The following VWA3B variants were observed in gnomAD, a reference collection of about 807,000 sequenced individuals.
VWA3B encodes von Willebrand factor A domain containing 3B, also known as von Willebrand factor A domain-containing protein 3B.
VWA3B carries 138 observed loss-of-function variants against 158.3 expected under a neutral mutation model. The observed-to-expected ratio is 0.87, with a 90% confidence interval of 0.76 to 1.00. The LOEUF (loss-of-function observed/expected upper bound fraction) is 1.00, where lower values mean the gene tolerates loss of function less well. VWA3B is among the 50% of genes least tolerant of loss of function. The probability of loss-of-function intolerance (pLI) is 0.00; values close to 1 mark genes in which losing one functional copy is unlikely to be tolerated. For missense variants in VWA3B, 1,555 were observed against 1,565.1 expected (o/e 0.99, Z 0.11); for synonymous variants, 596 against 587.3 (o/e 1.01, Z -0.21).
chr2:98,194,126 T>C (rs942740579), intron 11 of VWA3B, among the ~76,000 whole-genome samples: 8 of 152,204 alleles, frequency 5.3e-5, no homozygotes, highest in African/African-American at 1.9e-4. Context: ...GTGACATATA[T>C]AATGTATATT....
At chr2:98,091,761 A>G (rs1016721769) in intron 1 of VWA3B, among the ~76,000 whole-genome samples, 2 of 152,254 alleles carry the variant, frequency 1.3e-5, no homozygotes, top group Non-Finnish European at 2.9e-5. Context: ...AAATACAGTT[A>G]AAGTTTTAGA....
In VWA3B at chr2:98,118,273, G is replaced by A. The variant is rs933597510; in HGVS notation, c.292-1240G>A. ...TGCTGGTGAAGGAGCTGGTAATTCT[G>A]TCTTAAGGGGCCATGAGAAGCCTCC... On this transcript the variant is annotated intron_variant, in intron 3 of 27. Transcript: ENST00000477737. 6.6e-5 allele frequency among the ~76,000 whole-genome samples: 10 copies of A among 152,216 alleles called. 1 individual carries two copies. The highest frequency in any genetic ancestry group is 2.0e-4 in the Admixed American group (3 of 15,286).
chr2:98,217,087 C>G, intron 13 of VWA3B: 2 of 801,564 alleles, frequency 2.5e-6, no homozygotes, highest in South Asian at 3.6e-5. Flanking sequence ...GGGGGTTCCC[C>G]TCAATGGCAG....
At chr2:98,280,823 C>A (rs1688834451) in intron 22 of VWA3B, among the ~76,000 whole-genome samples, 1 of 152,184 alleles carries the variant, frequency 6.6e-6, no homozygotes, top group Admixed American at 6.5e-5. Flanking sequence ...GGATCAAAAC[C>A]CCCTTAAGCC....
intron 7 of VWA3B, among the ~76,000 whole-genome samples, chr2:98,135,398 G>A (rs557490577): frequency 1.7e-4 from 23 of 137,672 alleles, no homozygotes; most frequent in African/African-American, 5.4e-4. Flanking sequence ...TGCAGTGGCG[G>A]GATCTCGGCT....
intron 12 of VWA3B, among the ~76,000 whole-genome samples, chr2:98,201,167 C>T (rs979245823): frequency 6.6e-6 from 1 of 152,168 alleles, no homozygotes; most frequent in Non-Finnish European, 1.5e-5. Flanking sequence ...CAAAACAGTA[C>T]ACTAGGATTT....
At chr2:98,147,242 G>A (rs932432384) in intron 7 of VWA3B, among the ~76,000 whole-genome samples, 1 of 152,104 alleles carries the variant, frequency 6.6e-6, no homozygotes, top group African/African-American at 2.4e-5. Context: ...AGTGTTGCTT[G>A]GTGCATGCAT....
chr2:98,143,953 A>G (rs973963393), intron 7 of VWA3B, among the ~76,000 whole-genome samples: 1 of 151,718 alleles, frequency 6.6e-6, no homozygotes, highest in Non-Finnish European at 1.5e-5. Flanking sequence ...TGGGGTCACT[A>G]TGTTGTCCAG....
At chr2:98,104,421 G>A (rs549984072) in intron 2 of VWA3B, among the ~76,000 whole-genome samples, 11 of 152,220 alleles carry the variant, frequency 7.2e-5, no homozygotes, top group South Asian at 2.1e-4. Context: ...AAGACAGAGC[G>A]GAAGAGGGAC....
At chr2:98,103,830 G>A (rs141919332) in intron 2 of VWA3B, among the ~76,000 whole-genome samples, 1 of 152,020 alleles carries the variant, frequency 6.6e-6, no homozygotes, top group Admixed American at 6.5e-5. Context: ...TGCTTTTTTT[G>A]TCTACTGGAT....
downstream of VWA3B, among the ~76,000 whole-genome samples, chr2:98,315,327 A>C (rs1228852233): frequency 1.3e-5 from 2 of 152,182 alleles, no homozygotes; most frequent in Non-Finnish European, 2.9e-5. Context: ...CAATAATAAT[A>C]GTGATGATAA....
chr2:98,273,789 T>C (rs975567296), intron 22 of VWA3B, among the ~76,000 whole-genome samples: 4 of 152,210 alleles, frequency 2.6e-5, no homozygotes, highest in Non-Finnish European at 5.9e-5. Flanking sequence ...GAGACCCTGC[T>C]GCATAACAGC....
intron 1 of VWA3B, among the ~76,000 whole-genome samples, chr2:98,088,833 A>C (rs534777531): frequency 4.6e-5 from 7 of 151,938 alleles, no homozygotes; most frequent in Non-Finnish European, 4.4e-5. Flanking sequence ...GGCTTACTGC[A>C]ACCTCTGCCC....
rs552160097 is a variant in VWA3B, at chr2:98,131,432, T to A, written c.873-2392T>A. On this transcript the variant is annotated intron_variant, in intron 6 of 27. Coordinates refer to ENST00000477737, the MANE Select transcript of VWA3B (RefSeq NM_144992.5). ...ACACAGGGTGCAGATATCCCTTTGATATGCCGACTTCCTTTTCTTTGGGTA... is the reference window on the plus strand; with the variant it reads ...ACACAGGGTGCAGATATCCCTTTGAAATGCCGACTTCCTTTTCTTTGGGTA... Among the ~76,000 whole-genome samples the A allele has an allele frequency of 6.6e-5, 10 of 152,348 alleles. No homozygotes were observed. In the South Asian group the frequency reaches 2.1e-3, roughly 32 times the overall value.
intron 13 of VWA3B, chr2:98,216,804 T>G (rs1311373805): frequency 1.8e-6 from 1 of 559,788 alleles, no homozygotes; most frequent in Non-Finnish European, 3.2e-6. Context: ...GGAGGGAGTA[T>G]CAGTTCTGAG....
At chr2:98,321,729 G>A in the VWA3B span, among the ~76,000 whole-genome samples, 1 of 152,184 alleles carries the variant, frequency 6.6e-6, no homozygotes, top group East Asian at 1.9e-4. Context: ...ACTTTGGACT[G>A]TGGACTTCTG....
At chr2:98,261,248 C>G (rs781431291) in intron 21 of VWA3B, among the ~76,000 whole-genome samples, 6 of 151,664 alleles carry the variant, frequency 4.0e-5, no homozygotes, top group Non-Finnish European at 7.4e-5. Flanking sequence ...TTATAACAAT[C>G]TTGTTTGAAT....
chr2:98,260,918 T>C (rs1558737408), intron 21 of VWA3B, among the ~76,000 whole-genome samples: 1 of 151,784 alleles, frequency 6.6e-6, no homozygotes, highest in Non-Finnish European at 1.5e-5. Flanking sequence ...TATTTGTGTC[T>C]TTAGGTCTAA....
intron 16 of VWA3B, among the ~76,000 whole-genome samples, chr2:98,233,162 C>T (rs1685450241): frequency 6.6e-6 from 1 of 152,282 alleles, no homozygotes; most frequent in South Asian, 2.1e-4. Flanking sequence ...TTGTCTTAAA[C>T]ATTTTAATGG....
Sources: allele counts gnomAD v4.1 joint callset (sites outside exome capture counted in the v4.1 genomes callset), GRCh38; gene constraint gnomAD v4.1.1; transcripts MANE v1.5; gene names NCBI Gene and HGNC (gene_info 2026-07-23, HGNC 2026-07-21).